Variants in ZCCHC7 observed in about 807,000 individuals in gnomAD.
ZCCHC7 encodes zinc finger CCHC-type containing 7, also known as zinc finger CCHC domain-containing protein 7.
A neutral mutation model predicts 52.0 loss-of-function variants in ZCCHC7; 35 were observed. The ratio of observed to expected loss-of-function variants is 0.67; its 90% CI spans 0.51 to 0.89. The LOEUF (loss-of-function observed/expected upper bound fraction) is 0.89, where lower values mean the gene tolerates loss of function less well. Among genes scored for constraint, ZCCHC7 ranks in the 40% least tolerant of loss-of-function variants. The pLI is 0.00. For synonymous variants in ZCCHC7, 217 were observed against 221.5 expected, an observed-to-expected ratio of 0.98 and a Z score of 0.18; for missense variants, 574 against 649.1, an observed-to-expected ratio of 0.88 and a Z score of 1.26.
chr9:37,295,559 C>T (rs77106414), intron 2 of ZCCHC7, among the ~76,000 whole-genome samples: 1,952 of 152,132 alleles, frequency 0.013, 38 homozygotes, highest in African/African-American at 0.045. Flanking sequence ...GAGCTAAAAT[C>T]GTGGCATTGA....
chr9:37,144,856 A>G (rs977624367), intron 2 of ZCCHC7: 31 of 152,144 alleles, frequency 2.0e-4, no homozygotes, highest in African/African-American at 7.0e-4. Context: ...GTGTATGCCT[A>G]GCCCACCCCT....
At chr9:37,217,029 T>C (rs1468759965) in intron 2 of ZCCHC7, among the ~76,000 whole-genome samples, 2 of 152,146 alleles carry the variant, frequency 1.3e-5, no homozygotes, top group African/African-American at 4.8e-5. Flanking sequence ...AAAATTTCAA[T>C]AATATTCCTA....
rs1367483670 is a variant in ZCCHC7, at chr9:37,126,691, C to A, written c.359C>A (p.Ser120Tyr). The A allele has an allele frequency of 2.5e-6, 4 of 1,613,968 alleles. No individual in the cohort carries two copies. Among genetic ancestry groups the A allele is most frequent in the Non-Finnish European group, 3.4e-6 (4 of 1,180,014 alleles). ...VQAQENAHGL[S>Y]SSLQSNELVD... is the part of the protein sequence containing the mutation. ...GCACAAGAAAATGCCCATGGTCTTT[C>A]TTCTTCTCTTCAATCTAATGAGCTG... is the stretch of plus-strand genomic sequence containing the variant. The change falls in exon 2 of 9, where the codon TCT becomes TAT. Residue 120 changes from serine to tyrosine, a missense_variant. Coordinates refer to ENST00000336755, the MANE Select transcript of ZCCHC7 (RefSeq NM_032226.3).
chr9:37,315,545 T>C (rs1829779755), intron 5 of ZCCHC7, among the ~76,000 whole-genome samples: 1 of 151,990 alleles, frequency 6.6e-6, no homozygotes, highest in Non-Finnish European at 1.5e-5. Context: ...AACATAAAAA[T>C]AATTCTCTCT....
intron 2 of ZCCHC7, among the ~76,000 whole-genome samples, chr9:37,129,044 A>T (rs1160447871): frequency 6.6e-6 from 1 of 152,220 alleles, no homozygotes; most frequent in African/African-American, 2.4e-5. Flanking sequence ...ACATCTACAG[A>T]ATATTTCCAT....
intron 2 of ZCCHC7, among the ~76,000 whole-genome samples, chr9:37,300,247 T>A (rs1192766355): frequency 6.6e-6 from 1 of 152,230 alleles, no homozygotes; most frequent in East Asian, 1.9e-4. Flanking sequence ...TGGTTTTATA[T>A]TTCATTTTTT....
At chr9:37,171,359 C>T (rs1214563900) in intron 2 of ZCCHC7, among the ~76,000 whole-genome samples, 4 of 152,160 alleles carry the variant, frequency 2.6e-5, no homozygotes, top group Admixed American at 2.6e-4. Flanking sequence ...GTGCTGTTTT[C>T]ATGTTCTGTC....
At chr9:37,293,943 A>G (rs372266618) in intron 2 of ZCCHC7, among the ~76,000 whole-genome samples, 1 of 152,142 alleles carries the variant, frequency 6.6e-6, no homozygotes, top group Non-Finnish European at 1.5e-5. Context: ...TCTTTTACAC[A>G]CATGTTAAAA....
At chr9:37,323,063 G>A (rs868468806) in intron 5 of ZCCHC7, among the ~76,000 whole-genome samples, 33 of 152,128 alleles carry the variant, frequency 2.2e-4, no homozygotes, top group South Asian at 1.0e-3. Context: ...TGTTAGCCCC[G>A]TTTTACCTAT....
intron 6 of ZCCHC7, among the ~76,000 whole-genome samples, chr9:37,339,038 A>G (rs1360037672): frequency 6.6e-6 from 1 of 152,172 alleles, no homozygotes; most frequent in Non-Finnish European, 1.5e-5. Flanking sequence ...GGTACATGAC[A>G]TGGTTTTTTA....
intron 2 of ZCCHC7, among the ~76,000 whole-genome samples, chr9:37,226,625 T>G (rs530167836): frequency 1.2e-4 from 19 of 152,324 alleles, no homozygotes; most frequent in South Asian, 1.2e-3. Context: ...TGGACCAGTC[T>G]ATAGCCATAT....
Position 37,263,624 on chromosome 9 carries a change from T to G in ZCCHC7, c.611-38564T>G, listed in dbSNP as rs192581122. 9.8e-5 allele frequency among the ~76,000 whole-genome samples: 15 copies of G among 152,312 alleles called. No homozygotes were observed. The East Asian group carries it at 2.7e-3, about 27-fold the overall frequency. On this transcript the variant is annotated intron_variant, in intron 2 of 8. Transcript: ENST00000336755. ...GACATCAGGCCTTTTCATTTATTAG[T>G]CATTTTACCTTTTAGACAATTTTAT...
At chr9:37,243,090 T>G (rs762303199) in intron 2 of ZCCHC7, among the ~76,000 whole-genome samples, 1 of 151,822 alleles carries the variant, frequency 6.6e-6, no homozygotes, top group Non-Finnish European at 1.5e-5. Context: ...ATGATTAACA[T>G]TTAAGTTTTT....
chr9:37,250,939 A>T (rs1467389648), intron 2 of ZCCHC7, among the ~76,000 whole-genome samples: 1 of 152,288 alleles, frequency 6.6e-6, no homozygotes, highest in Admixed American at 6.5e-5. Flanking sequence ...ACAGAAGTGG[A>T]TGGTATTGAC....
intron 5 of ZCCHC7, among the ~76,000 whole-genome samples, chr9:37,311,071 G>A (rs1055873905): frequency 1.8e-4 from 28 of 151,888 alleles, no homozygotes; most frequent in African/African-American, 6.5e-4. Flanking sequence ...AACCCCTGGG[G>A]ATCAAGAAAG....
At chr9:37,171,607 A>T (rs933003527) in intron 2 of ZCCHC7, among the ~76,000 whole-genome samples, 1 of 151,684 alleles carries the variant, frequency 6.6e-6, no homozygotes, top group Non-Finnish European at 1.5e-5. Flanking sequence ...TTTTTTAGAG[A>T]TGGTGTCTTG....
Position 37,305,721 on chromosome 9 carries a change from A to G in ZCCHC7, c.951+7A>G, listed in dbSNP as rs761774280. 1 of 1,612,764 alleles carries G rather than the reference A, an allele frequency of 6.2e-7. No homozygotes were observed. On this transcript the variant is annotated splice_region_variant and intron_variant, in intron 5 of 8. Coordinates refer to ENST00000336755, the MANE Select transcript of ZCCHC7 (RefSeq NM_032226.3). ...GCTAGGCCACTATACAGATGTGAGT[A>G]TCCTGCATATAACTAATTTGTCAGG...
At chr9:37,280,298 C>G (rs1827892592) in intron 2 of ZCCHC7, among the ~76,000 whole-genome samples, 1 of 152,098 alleles carries the variant, frequency 6.6e-6, no homozygotes, top group Non-Finnish European at 1.5e-5. Context: ...GTTTGAATAC[C>G]TGTCTCAATA....
chr9:37,282,017 T>G (rs1827979984), intron 2 of ZCCHC7, among the ~76,000 whole-genome samples: 1 of 152,216 alleles, frequency 6.6e-6, no homozygotes, highest in Admixed American at 6.5e-5. Context: ...AATTTTTAAT[T>G]CTCTTCTATC....
Sources: allele counts gnomAD v4.1 joint callset (sites outside exome capture counted in the v4.1 genomes callset), GRCh38; gene constraint gnomAD v4.1.1; transcripts MANE v1.5; gene names NCBI Gene and HGNC (gene_info 2026-07-23, HGNC 2026-07-21).